The following JAKMIP1 variants were observed in gnomAD, a reference collection of about 807,000 sequenced individuals.
JAKMIP1 encodes the protein janus kinase and microtubule-interacting protein 1.
In JAKMIP1, 33 loss-of-function variants were observed where a neutral mutation model predicts 113.0. The observed-to-expected ratio is 0.29, with a 90% CI of 0.22 to 0.39. JAKMIP1 has a LOEUF of 0.39. JAKMIP1 is among the 10% of genes least tolerant of loss of function. The pLI is 1.00. For missense variants in JAKMIP1, 813 were observed against 1,080.5 expected (o/e 0.75, Z 3.47); for synonymous variants, 480 against 459.9 (o/e 1.04, Z -0.56).
At chr4:6,174,656 C>G (rs1194378164) in intron 1 of JAKMIP1, among the ~76,000 whole-genome samples, 1 of 152,110 alleles carries the variant, frequency 6.6e-6, no homozygotes, top group Non-Finnish European at 1.5e-5. Flanking sequence ...AGCCTTAAGT[C>G]TTCCCCGAAA....
chr4:6,189,277 C>A (rs1726974906), intron 1 of JAKMIP1, among the ~76,000 whole-genome samples: 1 of 152,206 alleles, frequency 6.6e-6, no homozygotes. Flanking sequence ...AAATGCCAGT[C>A]TGAAGAGGGA....
At chr4:6,028,577 G>A (rs1358989284) in intron 20 of JAKMIP1, among the ~76,000 whole-genome samples, 2 of 152,184 alleles carry the variant, frequency 1.3e-5, no homozygotes, top group East Asian at 3.9e-4. Context: ...TCCCATTTTT[G>A]GACAGCCCTG....
chr4:6,102,827 A>C (rs1010390358), intron 3 of JAKMIP1, among the ~76,000 whole-genome samples: 3 of 126,712 alleles, frequency 2.4e-5, no homozygotes, highest in African/African-American at 9.1e-5. Flanking sequence ...TCCACCTCCC[A>C]GGTTCACACC....
Position 6,081,716 on chromosome 4 carries a change from G to T in JAKMIP1, c.994C>A (p.Leu332Met). ...TTCATCCGCTTGTTCTTCTCCACCA[G>T]GGGCTTCAGCTGAACCTCGGTCTCT... ...SRETEVQLKP[L>M]VEKNKRMNKK... Residue 332 changes from leucine (L) to methionine (M), a missense_variant, in exon 6 of 21, where the codon CTG becomes ATG. By Grantham distance (15) the Leu-to-Met change is conservative (BLOSUM62 2). Coordinates refer to ENST00000409021, the MANE Select transcript of JAKMIP1 (RefSeq NM_001099433.2). This position sits in a 1 kb window ranked among gnomAD's most constrained non-coding sequence, Gnocchi z 4.6. 1 of 1,614,160 alleles carries T rather than the reference G, an allele frequency of 6.2e-7. No individual in the cohort carries two copies. The highest frequency in any genetic ancestry group is 1.1e-5 in the South Asian group (1 of 91,084).
intron 11 of JAKMIP1, 69 bp downstream of exon 11, chr4:6,060,355 G>T: frequency 8.3e-7 from 1 of 1,199,968 alleles, no homozygotes; most frequent in South Asian, 1.2e-5. Context: ...GCACAAGGGC[G>T]AGCCCCAGGG....
chr4:6,132,287 A>C (rs1007075841), intron 1 of JAKMIP1, among the ~76,000 whole-genome samples: 2 of 152,200 alleles, frequency 1.3e-5, no homozygotes, highest in African/African-American at 4.8e-5. Flanking sequence ...CTACTAAAAA[A>C]AGTTTTTTAA....
intron 1 of JAKMIP1, among the ~76,000 whole-genome samples, chr4:6,165,240 G>A (rs1427610312): frequency 6.6e-6 from 1 of 152,216 alleles, no homozygotes; most frequent in Admixed American, 6.5e-5. Context: ...TATGTTGAAA[G>A]CTCAGATAGT....
intron 11 of JAKMIP1, 132 bp downstream of exon 11, chr4:6,060,292 T>C (rs966390699): frequency 2.8e-6 from 2 of 716,808 alleles, no homozygotes; most frequent in African/African-American, 1.7e-5. Flanking sequence ...CTAGTGTTTT[T>C]TCCTCTAGCG....
At chr4:6,177,236 G>T (rs1449268232) in intron 1 of JAKMIP1, among the ~76,000 whole-genome samples, 1 of 152,184 alleles carries the variant, frequency 6.6e-6, no homozygotes, top group Non-Finnish European at 1.5e-5. Context: ...GAGCTCCAAA[G>T]TTGGAGAGGA....
rs1715172794 is a variant in JAKMIP1, at chr4:6,112,837, C to A, written c.14G>T (p.Gly5Val). 1 of 1,613,908 alleles carries A rather than the reference C, an allele frequency of 6.2e-7. No homozygotes were observed. Among genetic ancestry groups the A allele is most frequent in the Middle Eastern group, 1.6e-4 (1 of 6,062 alleles). The change falls in exon 2 of 21, where the codon GGC (glycine) becomes GTC (valine). Residue 5 changes from glycine (G) to valine (V), a missense_variant. By Grantham distance (109) the Gly-to-Val change is moderately radical. This residue lies in a region of JAKMIP1 where 540 missense variants were observed against 653.9 expected (regional missense o/e 0.83). Coordinates refer to ENST00000409021, the MANE Select transcript of JAKMIP1 (RefSeq NM_001099433.2). ...CTCGGGCTTCTCGCCCTTGCTCCGG[C>A]CTTTCTTCGACATGCTTCCCCTTGG... MSKK[G>V]RSKGEKPEME...
At chr4:6,102,926 G>C (rs1438511089) in intron 3 of JAKMIP1, among the ~76,000 whole-genome samples, 2 of 151,482 alleles carry the variant, frequency 1.3e-5, no homozygotes, top group African/African-American at 4.9e-5. Context: ...GTAGAGATGG[G>C]GTTTCACTGT....
In JAKMIP1 at chr4:6,180,561, C is replaced by T. The variant is rs116755749; in HGVS notation, c.-148+19692G>A. Among the ~76,000 whole-genome samples, 479 of 152,280 alleles carry T rather than the reference C, an allele frequency of 3.1e-3. 5 individuals carry two copies. Among genetic ancestry groups the T allele is most frequent in the African/African-American group, 0.011 (457 of 41,576 alleles). ...AACAAACATGCACCAAGTAATAAGT[C>T]ACCATTTATATAGCTCTCACTGTGT... is the stretch of plus-strand genomic sequence containing the variant. On this transcript the variant is annotated intron_variant, in intron 1 of 20. Transcript: ENST00000409021. The surrounding 1 kb of genome is among the most constrained non-coding windows in gnomAD (Gnocchi z 4.5).
Position 6,080,395 on chromosome 4 carries a change from G to A in JAKMIP1, c.1102-83C>T, listed in dbSNP as rs1720335487. 1 of 1,494,950 alleles carries A rather than the reference G, an allele frequency of 6.7e-7. No individual in the cohort carries two copies. Among genetic ancestry groups the A allele is most frequent in the Non-Finnish European group, 9.1e-7 (1 of 1,101,568 alleles). 92.6% of individuals were successfully genotyped at this position (1,494,950 alleles called of 1,614,324 possible). On this transcript the variant is annotated intron_variant, in intron 6 of 20. Transcript: ENST00000409021. This position sits in a 1 kb window ranked among gnomAD's most constrained non-coding sequence, Gnocchi z 6.0. ...GACAGTGCTGGAGTGGAGCTCAGGG[G>A]TGCAGGGACAGAAGGATGGATGGGA... is the stretch of plus-strand genomic sequence containing the variant.
At position 6,138,257 on chromosome 4, in the gene JAKMIP1, T is replaced by C. The variant is rs1719553780; in HGVS notation, c.-147-25260A>G. On this transcript the variant is annotated intron_variant, in intron 1 of 20. Transcript: ENST00000409021. The surrounding 1 kb of genome is among the most constrained non-coding windows in gnomAD (Gnocchi z 6.0). The stretch of plus-strand genomic sequence containing the variant: ...TTTAATTTTTATTTATTTTTATTTT[T>C]ATTTTTTTGAGACAGAGTCTCACTC... 6.6e-6 allele frequency among the ~76,000 whole-genome samples: 1 copy of C among 152,206 alleles called. No individual in the cohort carries two copies. The highest frequency in any genetic ancestry group is 2.4e-5 in the African/African-American group (1 of 41,454).
In JAKMIP1 at chr4:6,197,302, G is replaced by A. The variant is rs1331465985; in HGVS notation, c.-148+2951C>T. 6.6e-6 allele frequency among the ~76,000 whole-genome samples: 1 copy of A among 152,176 alleles called. No individual in the cohort carries two copies. Among genetic ancestry groups the A allele is most frequent in the African/African-American group, 2.4e-5 (1 of 41,438 alleles). On this transcript the variant is annotated intron_variant, in intron 1 of 20. Coordinates refer to ENST00000409021, the MANE Select transcript of JAKMIP1 (RefSeq NM_001099433.2). The surrounding 1 kb of genome is among the most constrained non-coding windows in gnomAD (Gnocchi z 6.5). ...CCACCACAATGGTGGCCACTGCTCTGATCATTAGTTTCATCGTTAGCTAAA... is the reference window on the plus strand; with the variant it reads ...CCACCACAATGGTGGCCACTGCTCTAATCATTAGTTTCATCGTTAGCTAAA...
At chr4:6,144,688 T>C (rs1340587703) in intron 1 of JAKMIP1, among the ~76,000 whole-genome samples, 1 of 152,210 alleles carries the variant, frequency 6.6e-6, no homozygotes, top group Non-Finnish European at 1.5e-5. Flanking sequence ...CCTTTCATGA[T>C]AAAAACACTC....
At chr4:6,118,056 G>C (rs1338319082) in intron 1 of JAKMIP1, among the ~76,000 whole-genome samples, 2 of 152,196 alleles carry the variant, frequency 1.3e-5, no homozygotes, top group Non-Finnish European at 2.9e-5. Flanking sequence ...AGAGATTAAA[G>C]TAAAGACAGG....
rs1721258284 is a variant in JAKMIP1, at chr4:6,086,093, T to C, written c.625-464A>G. ...AGACAGCTCCTGCCAAGGTCACCAG[T>C]GCTCTCCTGGCCACCGAACCCACCG... On this transcript the variant is annotated intron_variant, in intron 3 of 20. Transcript: ENST00000409021. This position sits in a 1 kb window ranked among gnomAD's most constrained non-coding sequence, Gnocchi z 4.1. Among the ~76,000 whole-genome samples, 1 of 152,026 alleles carries C rather than the reference T, an allele frequency of 6.6e-6. No individual in the cohort carries two copies. Among genetic ancestry groups the C allele is most frequent in the Non-Finnish European group, 1.5e-5 (1 of 68,002 alleles).
In JAKMIP1 at chr4:6,154,245, G is replaced by A. The variant is rs760594062; in HGVS notation, c.-147-41248C>T. On this transcript the variant is annotated intron_variant, in intron 1 of 20. Coordinates refer to ENST00000409021, the MANE Select transcript of JAKMIP1 (RefSeq NM_001099433.2). This position sits in a 1 kb window ranked among gnomAD's most constrained non-coding sequence, Gnocchi z 4.2. ...AGCAAATCACTGGACGTGCAGAGAG[G>A]CTGCACTGGGGAGAGTTGCTCCTAT... 6.6e-6 allele frequency among the ~76,000 whole-genome samples: 1 copy of A among 152,216 alleles called. No homozygotes were observed. The highest frequency in any genetic ancestry group is 1.5e-5 in the Non-Finnish European group (1 of 68,042).
Sources: gnomAD v4.1 joint callset for allele counts (sites outside exome capture counted in the v4.1 genomes callset) on GRCh38, gnomAD v4.1.1 for gene constraint, gnomAD v4.1.1 regional missense constraint, Gnocchi (gnomAD v3.1) non-coding constraint, MANE v1.5 for transcripts, NCBI Gene and HGNC (gene_info 2026-07-23, HGNC 2026-07-21) for gene names.